The following MCPH1 variants were observed in gnomAD, a reference collection of about 807,000 sequenced individuals.
MCPH1 encodes the protein microcephalin 1.
In MCPH1, 104 loss-of-function variants were observed where a neutral mutation model predicts 84.5. The observed-to-expected ratio is 1.23, with a 90% CI of 1.05 to 1.45. The LOEUF (loss-of-function observed/expected upper bound fraction) is 1.45, where lower values mean the gene tolerates loss of function less well. MCPH1 is among the 40% of genes most tolerant of loss of function. The probability of loss-of-function intolerance (pLI) is 0.00; values close to 1 mark genes in which losing one functional copy is unlikely to be tolerated. For synonymous variants in MCPH1, 514 were observed against 366.8 expected (o/e 1.40, Z -4.58); for missense variants, 1,498 against 1,005.7 (o/e 1.49, Z -6.62).
chr8:6,630,228 A>T (rs1396081003), intron 13 of MCPH1, among the ~76,000 whole-genome samples: 1 of 152,220 alleles, frequency 6.6e-6, no homozygotes, highest in Non-Finnish European at 1.5e-5. Flanking sequence ...GGAAAAACTT[A>T]TAAATATTAA....
At chr8:6,621,719 G>C (rs1374817295) in intron 13 of MCPH1, 28 bp downstream of exon 13, 1 of 1,613,782 alleles carries the variant, frequency 6.2e-7, no homozygotes, top group East Asian at 2.2e-5. Context: ...CAGACGCTGT[G>C]GTGTGGTCCA....
intron 9 of MCPH1, among the ~76,000 whole-genome samples, chr8:6,462,508 A>G (rs1418447874): frequency 1.3e-5 from 2 of 152,170 alleles, no homozygotes; most frequent in African/African-American, 4.8e-5. Context: ...TACTTCACTT[A>G]TTTTTGAATA....
chr8:6,505,092 C>T (rs537925501), intron 12 of MCPH1, among the ~76,000 whole-genome samples: 14 of 108,510 alleles, frequency 1.3e-4, no homozygotes, highest in African/African-American at 2.7e-4. Context: ...TCGACCCAAG[C>T]GTCAGGTAGG....
intron 2 of MCPH1, among the ~76,000 whole-genome samples, chr8:6,413,623 T>C (rs985648405): frequency 9.9e-5 from 15 of 152,060 alleles, no homozygotes; most frequent in Non-Finnish European, 1.6e-4. Flanking sequence ...CCAGTGAGCT[T>C]TACTCAACTT....
At chr8:6,437,384 C>A (rs1350498510) in intron 5 of MCPH1, among the ~76,000 whole-genome samples, 1 of 152,042 alleles carries the variant, frequency 6.6e-6, no homozygotes, top group Admixed American at 6.5e-5. Flanking sequence ...GGGCGTACCA[C>A]CACGCCCAGC....
rs183693089 is a variant in MCPH1 at position 6,474,033 on chromosome 8, C to T, written c.1936-3561C>T. 2,048 of 833,898 alleles carry T rather than the reference C, an allele frequency of 2.5e-3. 14 individuals carry two copies. Among genetic ancestry groups the T allele is most frequent in the South Asian group, 0.01 (707 of 70,054 alleles). The allele number at this position is 833,898 out of a possible 1,614,324, so 51.7% of individuals were successfully genotyped here. ...TCTTTTAGTTTCTTCTCATTATAACCCCTCATTTGAAGTATTTCGTACAAT... is the reference window on the plus strand; with the variant it reads ...TCTTTTAGTTTCTTCTCATTATAACTCCTCATTTGAAGTATTTCGTACAAT... On this transcript the variant is annotated intron_variant, in intron 9 of 13. Transcript: ENST00000344683.
At chr8:6,521,451 A>T in intron 12 of MCPH1, 1 of 1,360,906 alleles carries the variant, frequency 7.3e-7, no homozygotes, top group Non-Finnish European at 1.0e-6. Flanking sequence ...AGGCTATTCT[A>T]ATGAAATATT....
At chr8:6,632,367 G>A (rs558400880) in intron 13 of MCPH1, among the ~76,000 whole-genome samples, 7 of 152,144 alleles carry the variant, frequency 4.6e-5, no homozygotes, top group African/African-American at 1.4e-4. Context: ...ACTTTTAAAG[G>A]CACCCTCCAC....
chr8:6,616,206 G>A (rs1325906684), intron 12 of MCPH1: 1 of 152,120 alleles, frequency 6.6e-6, no homozygotes, highest in African/African-American at 2.4e-5. Context: ...TGTTGAGATG[G>A]GAAAGTGCAT....
At chr8:6,420,330 T>A (rs1240339053) in intron 3 of MCPH1, among the ~76,000 whole-genome samples, 1 of 152,084 alleles carries the variant, frequency 6.6e-6, no homozygotes, top group Non-Finnish European at 1.5e-5. Flanking sequence ...TTCATGTAAG[T>A]TCTCCAGGCT....
At chr8:6,409,717 G>C (rs907585006) in intron 2 of MCPH1, among the ~76,000 whole-genome samples, 5 of 152,042 alleles carry the variant, frequency 3.3e-5, no homozygotes, top group Admixed American at 6.5e-5. Context: ...ATATCTGTTA[G>C]ATATTTGGAT....
intron 10 of MCPH1, 55 bp from the exon 11 acceptor site, chr8:6,480,659 A>G (rs1442301561): frequency 1.9e-6 from 3 of 1,599,948 alleles, no homozygotes; most frequent in East Asian, 2.2e-5. Context: ...AACTGCTTTG[A>G]TGGGCATGTG....
At chr8:6,613,895 C>T (rs1301711575) in intron 12 of MCPH1, among the ~76,000 whole-genome samples, 4 of 152,042 alleles carry the variant, frequency 2.6e-5, no homozygotes. Context: ...TCAGGAGCCT[C>T]CATGACTTCC....
At chr8:6,609,906 G>T (rs1327033239) in intron 12 of MCPH1, among the ~76,000 whole-genome samples, 1 of 141,584 alleles carries the variant, frequency 7.1e-6, no homozygotes, top group Non-Finnish European at 1.5e-5. Context: ...ACCCTCCTCT[G>T]CCATCACCTC....
chr8:6,408,410 C>T (rs976328267), intron 1 of MCPH1, among the ~76,000 whole-genome samples: 3 of 152,002 alleles, frequency 2.0e-5, no homozygotes, highest in African/African-American at 7.3e-5. Context: ...TTTGTAGAGC[C>T]AGGGTCTCAC....
rs149657743 is a variant in MCPH1 at position 6,629,745 on chromosome 8, C to A, written c.2452+8054C>A. ...CAGCCCAAAATGAATTCTGATATCA[C>A]CTGCAGAAATCTGCTTTTAGACAGC... On this transcript the variant is annotated intron_variant, in intron 13 of 13. Coordinates refer to ENST00000344683, the MANE Select transcript of MCPH1 (RefSeq NM_024596.5). 1.9e-3 allele frequency among the ~76,000 whole-genome samples: 286 copies of A among 152,328 alleles called. 1 individual carries two copies. Among genetic ancestry groups the A allele is most frequent in the African/African-American group, 6.5e-3 (269 of 41,558 alleles).
chr8:6,638,444 A>G (rs562828531), intron 13 of MCPH1, among the ~76,000 whole-genome samples: 98 of 152,316 alleles, frequency 6.4e-4, no homozygotes, highest in African/African-American at 2.3e-3. Flanking sequence ...CTTGCCCACC[A>G]TACTATAAAA....
intron 12 of MCPH1, chr8:6,527,807 A>T: frequency 1.2e-6 from 1 of 856,184 alleles, no homozygotes; most frequent in Non-Finnish European, 1.7e-6. Flanking sequence ...CAAGTATCTT[A>T]TTTTGGCATA....
chr8:6,514,470 T>G (rs1815835370), intron 12 of MCPH1, among the ~76,000 whole-genome samples: 1 of 152,224 alleles, frequency 6.6e-6, no homozygotes. Flanking sequence ...ATTACAGGCG[T>G]GAGCCAGCAC....
Sources: allele counts gnomAD v4.1 joint callset (sites outside exome capture counted in the v4.1 genomes callset), GRCh38; gene constraint gnomAD v4.1.1; transcripts MANE v1.5; gene names NCBI Gene and HGNC (gene_info 2026-07-23, HGNC 2026-07-21).